The following CLIP2 variants were observed in gnomAD, a reference collection of about 807,000 sequenced individuals.
The protein encoded by CLIP2 is CAP-Gly domain containing linker protein 2.
CLIP2 carries 41 observed loss-of-function variants against 111.7 expected under a neutral mutation model. The ratio of observed to expected loss-of-function variants is 0.37; its 90% CI spans 0.29 to 0.48. CLIP2 has a LOEUF of 0.48. Ranked by LOEUF, CLIP2 falls within the 20% of genes least tolerant of loss-of-function variation. The probability of loss-of-function intolerance (pLI) is 0.99; values close to 1 mark genes in which losing one functional copy is unlikely to be tolerated. For missense variants in CLIP2, 1,160 were observed against 1,422.1 expected, an observed-to-expected ratio of 0.82 and a Z score of 2.96; for synonymous variants, 660 against 644.2, an observed-to-expected ratio of 1.02 and a Z score of -0.37.
chr7:74,313,559 C>CAAA (rs781919019), intron 1 of CLIP2, among the ~76,000 whole-genome samples: 1 of 121,714 alleles, frequency 8.2e-6, no homozygotes, highest in Non-Finnish European at 1.8e-5. Context: ...GACTCCATCT[C>CAAA]AAAAAAAAAA....
chr7:74,313,270 A>G (rs1285800699), intron 1 of CLIP2, among the ~76,000 whole-genome samples: 1 of 151,608 alleles, frequency 6.6e-6, no homozygotes, highest in African/African-American at 2.4e-5. Context: ...GTACCACTGC[A>G]CTCCAGCCTC....
intron 13 of CLIP2, among the ~76,000 whole-genome samples, chr7:74,389,588 TAAAAAAAAAAAAAA>T (rs149173666): frequency 9.6e-6 from 1 of 104,656 alleles, no homozygotes; most frequent in African/African-American, 3.7e-5. Flanking sequence ...CCCCTATCTC[TAAAAAAAAAAAAAA>T]AAAAAAAAAA....
rs567165971 is a variant in CLIP2, at chr7:74,340,032, T to G, written c.678+1028T>G. Among the ~76,000 whole-genome samples the G allele has an allele frequency of 1.7e-3, 254 of 152,176 alleles. 1 individual carries two copies. The highest frequency in any genetic ancestry group is 2.8e-3 in the Non-Finnish European group (189 of 68,012). On this transcript the variant is annotated intron_variant, in intron 3 of 16. Coordinates refer to ENST00000223398, the MANE Select transcript of CLIP2 (RefSeq NM_003388.5). ...TGGCTTGATCCTGGGAGGCAGAGGT[T>G]GCAGTGAGCCAAGATAGTGCCACTG...
intron 7 of CLIP2, 116 bp downstream of exon 7, chr7:74,360,394 G>A (rs782044403): frequency 1.3e-5 from 9 of 698,110 alleles, no homozygotes; most frequent in Non-Finnish European, 2.2e-5. Flanking sequence ...ACTGCCTCTG[G>A]CTGTGTCACC....
intron 13 of CLIP2, among the ~76,000 whole-genome samples, chr7:74,396,669 T>C (rs1354255746): frequency 1.3e-5 from 2 of 152,078 alleles, no homozygotes; most frequent in African/African-American, 2.4e-5. Flanking sequence ...TACAGGCACT[T>C]ACCACCACGA....
intron 11 of CLIP2, among the ~76,000 whole-genome samples, chr7:74,385,008 G>T (rs1554314555): frequency 2.0e-5 from 3 of 151,252 alleles, no homozygotes; most frequent in African/African-American, 7.3e-5. Context: ...TAGGCGCGGT[G>T]GCTCATGCCT....
In CLIP2 at chr7:74,393,767, T is replaced by C. The variant is rs189666585; in HGVS notation, c.2721-3307T>C. On this transcript the variant is annotated intron_variant, in intron 13 of 16. Transcript: ENST00000223398. ...GCTCTAGCTACATTTGCTACAAATC[T>C]AACACCTTTCTAGAAACTGTAGCCC... Among the ~76,000 whole-genome samples the C allele has an allele frequency of 5.7e-3, 873 of 152,346 alleles. 4 individuals are homozygous for C. Among genetic ancestry groups the C allele is most frequent in the Non-Finnish European group, 8.9e-3 (608 of 68,028 alleles).
At chr7:74,384,080 G>A (rs983846055) in intron 11 of CLIP2, among the ~76,000 whole-genome samples, 4 of 152,076 alleles carry the variant, frequency 2.6e-5, no homozygotes, top group Non-Finnish European at 5.9e-5. Context: ...TCCCAGCTAC[G>A]CAGGAAGATG....
chr7:74,347,049 A>G (rs1443127440), intron 3 of CLIP2, among the ~76,000 whole-genome samples: 6 of 151,902 alleles, frequency 3.9e-5, no homozygotes, highest in African/African-American at 7.3e-5. Flanking sequence ...TAAAAACAAA[A>G]CAAAACAAAA....
rs868986054 is a variant in CLIP2 at position 74,321,494 on chromosome 7, C to T, written c.121+3827C>T. On this transcript the variant is annotated intron_variant, in intron 2 of 16. Transcript: ENST00000223398. The stretch of plus-strand genomic sequence containing the variant: ...TATTATTATTATTTTTTTTGAGATA[C>T]AGTCTCGCTCTGTCACCCAGGCTGG... 3.3e-5 allele frequency among the ~76,000 whole-genome samples: 5 copies of T among 151,950 alleles called. 1 individual carries two copies. In the Middle Eastern group the frequency reaches 0.017, roughly 517 times the overall value.
intron 2 of CLIP2, among the ~76,000 whole-genome samples, chr7:74,336,912 G>T: frequency 7.2e-6 from 1 of 138,774 alleles, no homozygotes; most frequent in East Asian, 2.2e-4. Context: ...TTGAGACAGA[G>T]TCTCACTCTG....
At chr7:74,392,481 A>G (rs1449908638) in intron 13 of CLIP2, among the ~76,000 whole-genome samples, 3 of 151,994 alleles carry the variant, frequency 2.0e-5, no homozygotes, top group Non-Finnish European at 4.4e-5. Flanking sequence ...TCAGTAAGCC[A>G]TGATCATACC....
intron 1 of CLIP2, among the ~76,000 whole-genome samples, chr7:74,316,633 C>T (rs1788780630): frequency 6.6e-6 from 1 of 151,502 alleles, no homozygotes; most frequent in Admixed American, 6.6e-5. Flanking sequence ...GTGACCTCGG[C>T]TTACTGCAAC....
intron 1 of CLIP2, among the ~76,000 whole-genome samples, chr7:74,290,223 C>T (rs1347689069): frequency 3.9e-5 from 6 of 152,198 alleles, no homozygotes; most frequent in Admixed American, 3.9e-4. Context: ...AGGGACTGCC[C>T]CCCTCTCCTC....
chr7:74,290,928 G>A (rs887793183), intron 1 of CLIP2, among the ~76,000 whole-genome samples: 6 of 152,184 alleles, frequency 3.9e-5, no homozygotes, highest in Non-Finnish European at 8.8e-5. Flanking sequence ...TGGGGGCATA[G>A]AGGGGGTCCC....
chr7:74,353,511 A>G (rs1790069153), intron 3 of CLIP2, among the ~76,000 whole-genome samples: 1 of 152,140 alleles, frequency 6.6e-6, no homozygotes, highest in Non-Finnish European at 1.5e-5. Flanking sequence ...TTGGCCTCCC[A>G]AAGTGCTGGG....
chr7:74,389,058 C>T (rs1791200426), intron 12 of CLIP2, 45 bp from the exon 13 acceptor site: 4 of 1,562,260 alleles, frequency 2.6e-6, no homozygotes, highest in South Asian at 1.2e-5. Context: ...CAGAAGCTCA[C>T]GTGTTCCCAA....
intron 2 of CLIP2, among the ~76,000 whole-genome samples, chr7:74,324,818 G>GAAA (rs11318033): frequency 6.3e-5 from 6 of 95,194 alleles, no homozygotes; most frequent in East Asian, 6.3e-4. Context: ...AAGATCTTGA[G>GAAA]AAAAAAAAAA....
rs71519330 is a variant in CLIP2 at position 74,386,043 on chromosome 7, C to CTT, written c.2480-463_2480-462dup. On this transcript the variant is annotated intron_variant, in intron 11 of 16. Transcript: ENST00000223398. ...AGGCATGAGCCACCTCGCCCAGCCT[C>CTT]TTTTTTTTTTTTTTTTCTTTTTGAG... Among the ~76,000 whole-genome samples, 116 of 124,060 alleles carry CTT rather than the reference C, an allele frequency of 9.4e-4. 1 individual carries two copies. The highest frequency in any genetic ancestry group is 1.6e-3 in the South Asian group (6 of 3,684). The allele number at this position is 124,060 out of a possible 152,430, so 81.4% of individuals were successfully genotyped here.
Sources: gnomAD v4.1 joint callset for allele counts (sites outside exome capture counted in the v4.1 genomes callset) on GRCh38, gnomAD v4.1.1 for gene constraint, MANE v1.5 for transcripts, NCBI Gene and HGNC (gene_info 2026-07-23, HGNC 2026-07-21) for gene names.